PCDH11X: variants seen among roughly 807,000 people sequenced by gnomAD.
PCDH11X encodes protocadherin 11 X-linked.
Under a neutral mutation model 53.3 loss-of-function variants are expected in PCDH11X, and 18 were observed. The ratio of observed to expected loss-of-function variants is 0.34; its 90% CI spans 0.23 to 0.50. The LOEUF (loss-of-function observed/expected upper bound fraction) is 0.50, where lower values mean the gene tolerates loss of function less well. PCDH11X is among the 20% of genes least tolerant of loss of function. The pLI is 0.98. For synonymous variants in PCDH11X, 279 were observed against 393.3 expected (o/e 0.71, Z 3.44); for missense variants, 570 against 1,032.4 (o/e 0.55, Z 6.14).
intron 6 of PCDH11X, among the ~76,000 whole-genome samples, chrX:92,175,450 A>G (rs764242814): frequency 1.8e-5 from 2 of 110,849 alleles, no homozygotes; most frequent in East Asian, 5.8e-4. Context: ...ATAATTTGAG[A>G]TGAGTAAGTG....
At chrX:91,866,640 T>C (rs2147702455) in intron 5 of PCDH11X, among the ~76,000 whole-genome samples, 1 of 110,314 alleles carries the variant, frequency 9.1e-6, no homozygotes, top group East Asian at 2.9e-4. Flanking sequence ...GATTCAACTT[T>C]TTTTTTTTCT....
intron 10 of PCDH11X, among the ~76,000 whole-genome samples, chrX:92,597,132 C>G (rs1925706544): frequency 9.0e-6 from 1 of 111,310 alleles, no homozygotes; most frequent in East Asian, 2.8e-4. Flanking sequence ...GACAAGGATG[C>G]CCATTTTCAC....
At chrX:92,000,609 T>A (rs1228533575) in intron 6 of PCDH11X, among the ~76,000 whole-genome samples, 1 of 109,649 alleles carries the variant, frequency 9.1e-6, no homozygotes, top group Non-Finnish European at 1.9e-5. Context: ...TATTTTAAAA[T>A]GTACAATTAA....
In PCDH11X at chrX:92,237,718, G is replaced by A. The variant is rs373676029; in HGVS notation, c.3115-25396G>A. On this transcript the variant is annotated intron_variant, in intron 7 of 10. Transcript: ENST00000682573. ...CTCCTTAACCTCTTAAAGCTCCACA[G>A]CAGTAACTTCAATCTTCAGTTCTAG... 2.7e-5 allele frequency among the ~76,000 whole-genome samples: 3 copies of A among 111,369 alleles called. No individual in the cohort carries two copies. The East Asian group carries it at 8.5e-4, about 31-fold the overall frequency.
At chrX:92,112,071 T>A (rs2064527337) in intron 6 of PCDH11X, among the ~76,000 whole-genome samples, 2 of 105,987 alleles carry the variant, frequency 1.9e-5, no homozygotes, top group Non-Finnish European at 3.9e-5. Context: ...ATGCTCATTT[T>A]TCTAAACTGC....
At chrX:91,790,976 C>T (rs1402169327) in intron 1 of PCDH11X, among the ~76,000 whole-genome samples, 1 of 103,998 alleles carries the variant, frequency 9.6e-6, no homozygotes, top group Non-Finnish European at 2.0e-5. Flanking sequence ...GAAGCCATCA[C>T]CTTCCCGATG....
At chrX:92,550,946 C>T (rs2074943300) in intron 10 of PCDH11X, among the ~76,000 whole-genome samples, 2 of 110,287 alleles carry the variant, frequency 1.8e-5, no homozygotes, top group African/African-American at 6.6e-5. Context: ...AAATAGTACT[C>T]CATTGTATAT....
chrX:91,796,912 C>T (rs1017931326), intron 1 of PCDH11X, among the ~76,000 whole-genome samples: 4 of 111,590 alleles, frequency 3.6e-5, no homozygotes, highest in Non-Finnish European at 7.5e-5. Flanking sequence ...ATCTTTTTCA[C>T]TTCACAGTCC....
chrX:92,149,232 G>A (rs909881355), intron 6 of PCDH11X, among the ~76,000 whole-genome samples: 4 of 109,132 alleles, frequency 3.7e-5, no homozygotes, highest in African/African-American at 1.3e-4. Context: ...GCCTGGCATA[G>A]CAACTGAATC....
intron 6 of PCDH11X, among the ~76,000 whole-genome samples, chrX:91,996,106 G>A (rs1422670674): frequency 1.0e-5 from 1 of 99,801 alleles, no homozygotes; most frequent in African/African-American, 3.8e-5. Flanking sequence ...CTCCCAAAGT[G>A]CTGGGATTAC....
intron 6 of PCDH11X, among the ~76,000 whole-genome samples, chrX:91,975,227 C>G (rs1293887548): frequency 9.0e-6 from 1 of 111,020 alleles, no homozygotes; most frequent in African/African-American, 3.3e-5. Context: ...TTAGGAAACA[C>G]CTAGGATGAT....
intron 10 of PCDH11X, among the ~76,000 whole-genome samples, chrX:92,589,468 A>G (rs749086163): frequency 1.8e-5 from 2 of 112,126 alleles, no homozygotes; most frequent in Admixed American, 1.9e-4. Context: ...TATAATCTTT[A>G]TTAGTTTACT....
At chrX:91,888,629 C>A (rs1241870826) in intron 6 of PCDH11X, among the ~76,000 whole-genome samples, 1 of 110,050 alleles carries the variant, frequency 9.1e-6, no homozygotes, top group Admixed American at 9.8e-5. Context: ...CCACTGCACT[C>A]CAGCCTGGGT....
At chrX:92,280,251 G>A (rs934802535) in intron 8 of PCDH11X, among the ~76,000 whole-genome samples, 3 of 111,545 alleles carry the variant, frequency 2.7e-5, no homozygotes, top group Non-Finnish European at 5.6e-5. Context: ...GCATTTCTTA[G>A]AATGTATCTC....
intron 5 of PCDH11X, among the ~76,000 whole-genome samples, chrX:91,844,424 T>C (rs1937583358): frequency 9.1e-6 from 1 of 110,461 alleles, no homozygotes; most frequent in Non-Finnish European, 1.9e-5. Flanking sequence ...ACAGTGATAC[T>C]GCTAATATGA....
chrX:92,390,345 C>T (rs763591587), intron 9 of PCDH11X, among the ~76,000 whole-genome samples: 9 of 102,062 alleles, frequency 8.8e-5, no homozygotes, highest in Admixed American at 3.4e-4. Context: ...TAATGTGTCA[C>T]GGTAGTGAAA....
chrX:92,240,430 TGATTAG>T (rs1210057116), intron 7 of PCDH11X, among the ~76,000 whole-genome samples: 2 of 111,704 alleles, frequency 1.8e-5, no homozygotes, highest in Non-Finnish European at 3.8e-5. Context: ...AGGACTTGCC[TGATTAG>T]GAGACCCCGC....
rs183967169 is a variant in PCDH11X at position 92,027,211 on chromosome X, T to A, written c.3033+147938T>A. On this transcript the variant is annotated intron_variant, in intron 6 of 10. Transcript: ENST00000682573. ...GTATGAATGTGTCTCAATGATAGTG[T>A]CATTTTTATAATAATATGATAATAT... 6.0e-3 allele frequency among the ~76,000 whole-genome samples: 666 copies of A among 111,320 alleles called. 5 individuals are homozygous for A. The highest frequency in any genetic ancestry group is 0.021 in the African/African-American group (633 of 30,687).
In PCDH11X at chrX:91,882,906, G is replaced by A. The variant is rs199543877; in HGVS notation, c.3033+3633G>A. The stretch of plus-strand genomic sequence containing the variant: ...ATAACGTGTTATTTTTCTTGTCCTA[G>A]ACTGATTCCAGGACATCAACTATTG... On this transcript the variant is annotated intron_variant, in intron 6 of 10. Coordinates refer to ENST00000682573, the MANE Select transcript of PCDH11X (RefSeq NM_032968.5). 228 of 1,184,512 alleles carry A rather than the reference G, an allele frequency of 1.9e-4. 3 individuals are homozygous for A. In the Middle Eastern group the frequency reaches 2.9e-3, roughly 15 times the overall value.
Sources: gnomAD v4.1 joint callset for allele counts (sites outside exome capture counted in the v4.1 genomes callset) on GRCh38, gnomAD v4.1.1 for gene constraint, MANE v1.5 for transcripts, NCBI Gene and HGNC (gene_info 2026-07-23, HGNC 2026-07-21) for gene names.